The following MSRA variants were observed in gnomAD, a reference collection of about 807,000 sequenced individuals.
MSRA encodes mitochondrial peptide methionine sulfoxide reductase.
Under a neutral mutation model 31.3 loss-of-function variants are expected in MSRA, and 54 were observed. That is an observed-to-expected ratio of 1.73 (90% CI 1.39 to 2.17). MSRA has a LOEUF of 2.17. Among genes scored for constraint, MSRA ranks in the 30% most tolerant of loss-of-function variants. The pLI is 0.00. For synonymous variants in MSRA, 169 were observed against 116.5 expected (o/e 1.45, Z -2.90); for missense variants, 507 against 300.9 (o/e 1.69, Z -5.07).
At chr8:10,198,455 T>A (rs905887877) in intron 1 of MSRA, among the ~76,000 whole-genome samples, 2 of 152,188 alleles carry the variant, frequency 1.3e-5, no homozygotes, top group Non-Finnish European at 1.5e-5. Context: ...GTGTCACAAA[T>A]TTATTCTCCA....
chr8:10,196,847 C>G (rs1246018512), intron 1 of MSRA, among the ~76,000 whole-genome samples: 1 of 152,136 alleles, frequency 6.6e-6, no homozygotes, highest in African/African-American at 2.4e-5. Flanking sequence ...GCTGGGATTA[C>G]AGGCATGAGC....
At chr8:10,362,773 C>G (rs1398888030) in intron 5 of MSRA, among the ~76,000 whole-genome samples, 3 of 152,054 alleles carry the variant, frequency 2.0e-5, no homozygotes, top group African/African-American at 7.3e-5. Flanking sequence ...CCTTCCTGGC[C>G]GTTAGTCCCT....
Position 10,276,643 on chromosome 8 carries a change from A to G in MSRA, c.332-24891A>G, listed in dbSNP as rs577735301. On this transcript the variant is annotated intron_variant, in intron 3 of 5. Coordinates refer to ENST00000317173, the MANE Select transcript of MSRA (RefSeq NM_012331.5). ...ATAACATCTCATCATTTGGAGCAGCATGCGTGTCTGCAAGACAACAGAAAG... is the reference window on the plus strand; with the variant it reads ...ATAACATCTCATCATTTGGAGCAGCGTGCGTGTCTGCAAGACAACAGAAAG... Among the ~76,000 whole-genome samples, 7 of 152,242 alleles carry G rather than the reference A, an allele frequency of 4.6e-5. No individual in the cohort carries two copies. The East Asian group carries it at 7.7e-4, about 17-fold the overall frequency.
intron 1 of MSRA, among the ~76,000 whole-genome samples, chr8:10,155,718 A>G (rs758378708): frequency 7.9e-5 from 12 of 152,324 alleles, no homozygotes; most frequent in Middle Eastern, 3.4e-3. Context: ...TGGAACATCA[A>G]TAAAGAATAT....
chr8:10,188,211 T>C (rs6601420), intron 1 of MSRA, among the ~76,000 whole-genome samples: 72,926 of 152,074 alleles, frequency 0.48, 17,815 homozygotes, highest in South Asian at 0.6. Context: ...GTGTAATACT[T>C]TTAAATACAG....
chr8:10,117,859 A>G (rs1428781784), intron 1 of MSRA, among the ~76,000 whole-genome samples: 1 of 152,220 alleles, frequency 6.6e-6, no homozygotes, highest in South Asian at 2.1e-4. Context: ...ATCCCTGATT[A>G]CTGTGATGAA....
intron 3 of MSRA, among the ~76,000 whole-genome samples, chr8:10,279,917 C>G (rs528777570): frequency 6.6e-6 from 1 of 152,166 alleles, no homozygotes; most frequent in Non-Finnish European, 1.5e-5. Context: ...AAATCTGTTT[C>G]TTGGATATTC....
At chr8:10,269,859 G>A (rs1361600204) in intron 3 of MSRA, among the ~76,000 whole-genome samples, 1 of 152,120 alleles carries the variant, frequency 6.6e-6, no homozygotes, top group East Asian at 1.9e-4. Context: ...CACCGTGTTA[G>A]CCAGGATGGT....
At chr8:10,255,277 T>A (rs770212162) in intron 3 of MSRA, among the ~76,000 whole-genome samples, 3 of 152,168 alleles carry the variant, frequency 2.0e-5, no homozygotes, top group Non-Finnish European at 4.4e-5. Flanking sequence ...CTCGCAGGAT[T>A]ATTGAGGAGG....
intron 1 of MSRA, among the ~76,000 whole-genome samples, chr8:10,188,670 C>T (rs1807257892): frequency 6.6e-6 from 1 of 152,152 alleles, no homozygotes; most frequent in Non-Finnish European, 1.5e-5. Flanking sequence ...ACTGTCCTTT[C>T]CTGATTGAAT....
At chr8:10,283,197 CAGAA>C (rs1412582068) in intron 3 of MSRA, among the ~76,000 whole-genome samples, 1 of 144,632 alleles carries the variant, frequency 6.9e-6, no homozygotes, top group Non-Finnish European at 1.5e-5. Context: ...AGGTTTGTTG[CAGAA>C]GTTACCATTC....
intron 5 of MSRA, among the ~76,000 whole-genome samples, chr8:10,339,884 G>C (rs1803311796): frequency 6.6e-6 from 1 of 152,080 alleles, no homozygotes; most frequent in African/African-American, 2.4e-5. Context: ...TAACGAGAGG[G>C]AACATAAGGA....
intron 3 of MSRA, among the ~76,000 whole-genome samples, chr8:10,266,070 T>A (rs1331853053): frequency 1.3e-5 from 2 of 152,238 alleles, no homozygotes; most frequent in African/African-American, 4.8e-5. Context: ...TACCAGTGTT[T>A]GTGTGGGTGT....
At chr8:10,287,424 A>G (rs940297755) in intron 3 of MSRA, among the ~76,000 whole-genome samples, 3 of 152,208 alleles carry the variant, frequency 2.0e-5, no homozygotes, top group Admixed American at 6.5e-5. Context: ...ATGAGCTACA[A>G]AAGTGTTACA....
At chr8:10,228,904 T>C (rs1439045810) in intron 2 of MSRA, among the ~76,000 whole-genome samples, 1 of 152,152 alleles carries the variant, frequency 6.6e-6, no homozygotes, top group Admixed American at 6.5e-5. Flanking sequence ...TCATACTGTT[T>C]CCTAGAAAAC....
At chr8:10,069,855 A>C (rs1006992396) in intron 1 of MSRA, among the ~76,000 whole-genome samples, 1 of 152,106 alleles carries the variant, frequency 6.6e-6, no homozygotes, top group Non-Finnish European at 1.5e-5. Context: ...GAGAGTTAAT[A>C]TGTTCTTTTT....
intron 3 of MSRA, among the ~76,000 whole-genome samples, chr8:10,248,107 C>A (rs1312163482): frequency 1.3e-5 from 2 of 152,152 alleles, no homozygotes; most frequent in Non-Finnish European, 2.9e-5. Flanking sequence ...CAAACAAAAA[C>A]CCCAAGGCTC....
intron 2 of MSRA, among the ~76,000 whole-genome samples, chr8:10,243,146 C>G (rs544874571): frequency 6.6e-6 from 1 of 152,188 alleles, no homozygotes; most frequent in Non-Finnish European, 1.5e-5. Context: ...TGGCCTGCCA[C>G]GGACCTTGTA....
intron 1 of MSRA, among the ~76,000 whole-genome samples, chr8:10,130,565 C>CT (rs1801824239): frequency 6.6e-6 from 1 of 152,128 alleles, no homozygotes; most frequent in African/African-American, 2.4e-5. Flanking sequence ...ATTGTGTAGG[C>CT]TTTGTGGACA....
Sources: gnomAD v4.1 joint callset for allele counts (sites outside exome capture counted in the v4.1 genomes callset) on GRCh38, gnomAD v4.1.1 for gene constraint, MANE v1.5 for transcripts, NCBI Gene and HGNC (gene_info 2026-07-23, HGNC 2026-07-21) for gene names.